Variants in PDZD7 observed in about 807,000 individuals in gnomAD.
PDZD7 encodes PDZ domain containing 7.
A neutral mutation model predicts 84.7 loss-of-function variants in PDZD7; 72 were observed. That is an observed-to-expected ratio of 0.85 (90% CI 0.70 to 1.03). PDZD7 has a LOEUF of 1.03. PDZD7 is among the 50% of genes least tolerant of loss of function. The probability of loss-of-function intolerance (pLI) is 0.00; values close to 1 mark genes in which losing one functional copy is unlikely to be tolerated. For missense variants in PDZD7, 1,490 were observed against 1,412.9 expected, an observed-to-expected ratio of 1.05 and a Z score of -0.87; for synonymous variants, 594 against 580.7, an observed-to-expected ratio of 1.02 and a Z score of -0.33.
chr10:101,015,636 C>A lies in PDZD7; in HGVS notation c.1749G>T (p.Arg583=). The change falls in exon 11 of 17, where the codon CGG becomes CGT. Residue 583 remains arginine, a splice_region_variant and synonymous_variant. Transcript: ENST00000619208. ...EVLAVTRHCS[R]YVHEGGIEDL... ...GGCTGCGGATGGGATGAAGGCTTACCCGGGAGCAGTGGCGGGTGACAGCCA... is the reference window on the plus strand; with the variant it reads ...GGCTGCGGATGGGATGAAGGCTTACACGGGAGCAGTGGCGGGTGACAGCCA... 6.5e-7 allele frequency: 1 copy of A among 1,550,274 alleles called. No individual in the cohort carries two copies. The highest frequency in any genetic ancestry group is 8.7e-7 in the Non-Finnish European group (1 of 1,146,830).
chr10:101,018,990 C>T lies in PDZD7; in HGVS notation c.1156G>A (p.Val386Met), dbSNP rs1265263436. 6 of 1,582,868 alleles carry T rather than the reference C, an allele frequency of 3.8e-6. No homozygotes were observed. Among genetic ancestry groups the T allele is most frequent in the South Asian group, 3.5e-5 (3 of 86,950 alleles). The change falls in exon 8 of 17, where the codon GTG becomes ATG. Residue 386 changes from valine to methionine, a missense_variant. Transcript: ENST00000619208. ...TCCCTGAGGATGACTGTGGGCCGCACGCTGCACCAGGTCTCCACCCGGCCT... is the reference window on the plus strand; with the variant it reads ...TCCCTGAGGATGACTGTGGGCCGCATGCTGCACCAGGTCTCCACCCGGCCT... ...AGGRVETWCS[V>M]RPTVILRDTA...
chr10:101,022,934 G>C (rs1024198455), intron 4 of PDZD7, among the ~76,000 whole-genome samples: 6 of 151,888 alleles, frequency 4.0e-5, no homozygotes, highest in Non-Finnish European at 7.4e-5. Flanking sequence ...CACCACGCTC[G>C]GTTAATTTTT....
rs1403744293 is a variant in PDZD7, at chr10:101,010,415, G to A, written c.2474C>T (p.Pro825Leu). The A allele has an allele frequency of 6.5e-7, 1 of 1,536,182 alleles. No individual in the cohort carries two copies. The highest frequency in any genetic ancestry group is 2.4e-5 in the East Asian group (1 of 40,904). ...PRKARPPLPR[P>L]LDGEAAKVGA... is the part of the protein sequence containing the mutation. ...CACCTTGGCTGCCTCCCCATCCAGA[G>A]GTCGTGGCAGAGGGGGTCTGGCCTT... Residue 825 changes from proline (P) to leucine (L), a missense_variant, in exon 15 of 17, where the codon CCT (proline) becomes CTT (leucine). By Grantham distance (98) the Pro-to-Leu change is moderately conservative. Coordinates refer to ENST00000619208, the MANE Select transcript of PDZD7 (RefSeq NM_001195263.2).
At chr10:101,025,372 G>A (rs1243869933) in intron 2 of PDZD7, among the ~76,000 whole-genome samples, 1 of 151,870 alleles carries the variant, frequency 6.6e-6, no homozygotes, top group Non-Finnish European at 1.5e-5. Flanking sequence ...ACCACACCCG[G>A]CTAATTTTTG....
intron 2 of PDZD7, among the ~76,000 whole-genome samples, chr10:101,026,127 G>A (rs1439830523): frequency 6.6e-6 from 1 of 151,946 alleles, no homozygotes; most frequent in Non-Finnish European, 1.5e-5. Flanking sequence ...GGTTGAACCT[G>A]TCGGGGAAGA....
At chr10:101,028,618 G>A (rs1348124273) in intron 2 of PDZD7, among the ~76,000 whole-genome samples, 7 of 147,518 alleles carry the variant, frequency 4.7e-5, no homozygotes, top group Admixed American at 4.7e-4. Context: ...AAAAAAAAAA[G>A]ACGTTATAAA....
At chr10:101,009,548 C>T (rs554162189) in intron 15 of PDZD7, among the ~76,000 whole-genome samples, 198 bp from the exon 16 acceptor site, 8 of 151,786 alleles carry the variant, frequency 5.3e-5, no homozygotes, top group Non-Finnish European at 1.0e-4. Flanking sequence ...CACCCAACTG[C>T]ACCCCAATAC....
At chr10:101,011,079 C>A (rs1852380076) in intron 14 of PDZD7, 196 bp from the exon 15 acceptor site, 1 of 1,423,784 alleles carries the variant, frequency 7.0e-7, no homozygotes, top group African/African-American at 1.4e-5. Flanking sequence ...TGGAATCTCA[C>A]TCTGTTGCCC....
Position 101,014,001 on chromosome 10 carries a change from C to G in PDZD7, c.1749+1635G>C, listed in dbSNP as rs532515027. On this transcript the variant is annotated intron_variant, in intron 11 of 16. Coordinates refer to ENST00000619208, the MANE Select transcript of PDZD7 (RefSeq NM_001195263.2). ...AGTAGCTGGGATTACAGGCGCCCACCACCATGCCCAGCTATTTTTTTTTTT... is the reference window on the plus strand; with the variant it reads ...AGTAGCTGGGATTACAGGCGCCCACGACCATGCCCAGCTATTTTTTTTTTT... 5.4e-5 allele frequency among the ~76,000 whole-genome samples: 8 copies of G among 147,266 alleles called. No individual in the cohort carries two copies. The East Asian group carries it at 1.6e-3, about 29-fold the overall frequency.
At position 101,023,531 on chromosome 10, in the gene PDZD7, G is replaced by C. The variant is rs374893110; in HGVS notation, c.447C>G (p.Ala149=). The C allele has an allele frequency of 1.9e-6, 3 of 1,614,062 alleles. No homozygotes were observed. The highest frequency in any genetic ancestry group is 4.5e-5 in the East Asian group (2 of 44,868). Residue 149 remains alanine (A), a synonymous_variant, in exon 4 of 17, where the codon GCC becomes GCG. Coordinates refer to ENST00000619208, the MANE Select transcript of PDZD7 (RefSeq NM_001195263.2). ...GGCTGCTGCTGGTCAGCACCTTTAC[G>C]GCGCTACCCATGGTGGTGCTCTCCA... ...LSLESTTMGS[A]VKVLTSSSRL... is the part of the protein sequence containing the mutation.
intron 4 of PDZD7, 184 bp downstream of exon 4, chr10:101,023,252 G>A: frequency 1.5e-6 from 1 of 679,812 alleles, no homozygotes; most frequent in South Asian, 1.7e-5. Context: ...CAGAGCTATT[G>A]GAGGAGGGCA....
At chr10:101,025,738 G>A (rs1218838303) in intron 2 of PDZD7, among the ~76,000 whole-genome samples, 10 of 150,726 alleles carry the variant, frequency 6.6e-5, no homozygotes, top group South Asian at 6.2e-4. Flanking sequence ...TAGTAGAGAC[G>A]GGGTTTCACC....
chr10:101,025,371 G>A (rs1263588072), intron 2 of PDZD7, among the ~76,000 whole-genome samples: 12 of 151,726 alleles, frequency 7.9e-5, no homozygotes, highest in Non-Finnish European at 5.9e-5. Context: ...CACCACACCC[G>A]GCTAATTTTT....
intron 15 of PDZD7, 24 bp from the exon 16 acceptor site, chr10:101,009,374 G>T: frequency 6.6e-7 from 1 of 1,523,248 alleles, no homozygotes; most frequent in Non-Finnish European, 8.8e-7. Context: ...GAAACACCGT[G>T]TGAGAGTGCA....
chr10:101,022,231 C>T lies in PDZD7; in HGVS notation c.697G>A (p.Gly233Ser). The part of the protein sequence containing the change: ...GFNIRGGKEF[G>S]LGIYVSKVDH... ...CACTTGGACACATAGATGCCCAGGC[C>T]AAACTCCTTGCCCCCACGGATGTTG... The change falls in exon 5 of 17, where the codon GGC becomes AGC. Residue 233 changes from glycine to serine, a missense_variant. Physicochemically the swap from Gly to Ser is moderately conservative, Grantham distance 56. Transcript: ENST00000619208. 6.2e-7 allele frequency: 1 copy of T among 1,614,204 alleles called. No homozygotes were observed. The highest frequency in any genetic ancestry group is 1.7e-5 in the Admixed American group (1 of 60,024).
intron 6 of PDZD7, among the ~76,000 whole-genome samples, 191 bp from the exon 7 acceptor site, chr10:101,020,869 C>G (rs1436813874): frequency 1.3e-5 from 2 of 152,240 alleles, no homozygotes; most frequent in Non-Finnish European, 2.9e-5. Flanking sequence ...GCTGTTCACT[C>G]TGCCTGGAGG....
rs775908216 is a variant in PDZD7, at chr10:101,023,601, C to A, written c.377G>T (p.Gly126Val). The change falls in exon 4 of 17, where the codon GGC becomes GTC. Residue 126 changes from glycine (G) to valine (V), a missense_variant. Gly to Val is a moderately radical substitution (Grantham distance 109). Transcript: ENST00000619208. ...VEEGSSAERAGLCVGDKITEV... is the reference protein window; with the variant it reads ...VEEGSSAERAVLCVGDKITEV... ...CGTGATCTTGTCCCCCACGCACAGG[C>A]CAGCCCGCTCTGCACCACAGGATGG... 8 of 1,612,080 alleles carry A rather than the reference C, an allele frequency of 5.0e-6. No individual in the cohort carries two copies. Among genetic ancestry groups the A allele is most frequent in the Non-Finnish European group, 6.8e-6 (8 of 1,180,014 alleles).
chr10:101,010,037 C>A (rs781410235), intron 15 of PDZD7, among the ~76,000 whole-genome samples: 2 of 152,160 alleles, frequency 1.3e-5, no homozygotes, highest in Non-Finnish European at 2.9e-5. Context: ...GGATTACAGG[C>A]GCCCACCACC....
chr10:101,009,599 CTTTTTTT>C (rs142806278), intron 15 of PDZD7, among the ~76,000 whole-genome samples: 21 of 62,286 alleles, frequency 3.4e-4, no homozygotes, highest in African/African-American at 1.4e-3. Flanking sequence ...GAGACAGAGT[CTTTTTTT>C]TTTTTTTTTT....
Sources: allele counts gnomAD v4.1 joint callset (sites outside exome capture counted in the v4.1 genomes callset), GRCh38; gene constraint gnomAD v4.1.1; transcripts MANE v1.5; gene names NCBI Gene and HGNC (gene_info 2026-07-23, HGNC 2026-07-21).